The following ARHGEF2 variants were observed in gnomAD, a reference collection of about 807,000 sequenced individuals.
ARHGEF2 encodes rho guanine nucleotide exchange factor 2.
Under a neutral mutation model 121.0 loss-of-function variants are expected in ARHGEF2, and 22 were observed. The ratio of observed to expected loss-of-function variants is 0.18; its 90% CI spans 0.13 to 0.26. The LOEUF (loss-of-function observed/expected upper bound fraction) is 0.26. Among genes scored for constraint, ARHGEF2 ranks in the 10% least tolerant of loss-of-function variants. The pLI is 1.00. For synonymous variants in ARHGEF2, 487 were observed against 530.0 expected, an observed-to-expected ratio of 0.92 and a Z score of 1.11; for missense variants, 907 against 1,336.0, an observed-to-expected ratio of 0.68 and a Z score of 5.01.
In ARHGEF2 at chr1:155,965,543, A is replaced by T. The variant is rs1445626809; in HGVS notation, c.470+88T>A. On this transcript the variant is annotated intron_variant, in intron 5 of 21. Coordinates refer to ENST00000361247, the MANE Select transcript of ARHGEF2 (RefSeq NM_001162383.2). The surrounding 1 kb of genome is among the most constrained non-coding windows in gnomAD (Gnocchi z 6.0). The stretch of plus-strand genomic sequence containing the variant: ...CTTATTTGTCTGTCTACAGTTCTGA[A>T]CTCAGGGATGGAAAGGGACCTCTCA... 6.2e-7 allele frequency: 1 copy of T among 1,607,602 alleles called. No individual in the cohort carries two copies. The highest frequency in any genetic ancestry group is 2.2e-5 in the East Asian group (1 of 44,858).
At position 155,947,967 on chromosome 1, in the gene ARHGEF2, C is replaced by A. The variant is rs1674655737; in HGVS notation, c.2936G>T (p.Gly979Val). Residue 979 changes from glycine (G) to valine (V), a missense_variant, in exon 22 of 22, where the codon GGG becomes GTG. Gly to Val is a moderately radical substitution (Grantham distance 109, BLOSUM62 -3). This residue lies in a region of ARHGEF2 where 432 missense variants were observed against 559.5 expected (regional missense o/e 0.77). Transcript: ENST00000361247. ...DIPEETESRD[G>V]EAVASES Reference sequence around the variant, plus strand: ...TTAGCTCTCGGAGGCTACAGCCTCCCCGTCGCGGCTCTCCGTCTCCTCCGG... The same window carrying A: ...TTAGCTCTCGGAGGCTACAGCCTCCACGTCGCGGCTCTCCGTCTCCTCCGG... 6.4e-7 allele frequency: 1 copy of A among 1,551,082 alleles called. No homozygotes were observed. Among genetic ancestry groups the A allele is most frequent in the Non-Finnish European group, 8.7e-7 (1 of 1,146,766 alleles).
chr1:155,978,759 C>T, upstream of ARHGEF2: 1 of 812,814 alleles, frequency 1.2e-6, no homozygotes, highest in Non-Finnish European at 1.5e-6. This position sits in a 1 kb window ranked among gnomAD's most constrained non-coding sequence, Gnocchi z 4.1. Context: ...CGCCTGGGGG[C>T]GCCCTCTAGC....
Position 155,952,633 on chromosome 1 carries a change from C to T in ARHGEF2, c.1979G>A (p.Arg660His), listed in dbSNP as rs749849556. The change falls in exon 15 of 22, where the codon CGT (arginine) becomes CAT (histidine). Residue 660 changes from arginine (R) to histidine (H), a missense_variant. Coordinates refer to ENST00000361247, the MANE Select transcript of ARHGEF2 (RefSeq NM_001162383.2). ...TTCCCTGGGAGCTCCCTCACCCTCA[C>T]GGATGGCATCCTGCAGCAGCCGCTC... ...RGERLLQDAI[R>H]EVEGLKDLLV... 9.9e-6 allele frequency: 16 copies of T among 1,610,744 alleles called. No homozygotes were observed. Among genetic ancestry groups the T allele is most frequent in the Admixed American group, 1.7e-5 (1 of 59,872 alleles).
Position 155,965,167 on chromosome 1 carries a change from G to A in ARHGEF2, c.581-36C>T. 1 of 1,611,646 alleles carries A rather than the reference G, an allele frequency of 6.2e-7. No individual in the cohort carries two copies. Among genetic ancestry groups the A allele is most frequent in the Non-Finnish European group, 8.5e-7 (1 of 1,178,218 alleles). Reference sequence around the variant, plus strand: ...GCAGGGCAAGCAACTCAGAGGTCTTGAGTTCCCTTCCCTGGGTCCCTGGCC... The same window carrying A: ...GCAGGGCAAGCAACTCAGAGGTCTTAAGTTCCCTTCCCTGGGTCCCTGGCC... On this transcript the variant is annotated intron_variant, in intron 6 of 21. Coordinates refer to ENST00000361247, the MANE Select transcript of ARHGEF2 (RefSeq NM_001162383.2). The surrounding 1 kb of genome is among the most constrained non-coding windows in gnomAD (Gnocchi z 6.0).
rs368021663 is a variant in ARHGEF2 at position 155,966,450 on chromosome 1, G to A, written c.306C>T (p.Asn102=). The A allele has an allele frequency of 1.2e-5, 19 of 1,614,148 alleles. No homozygotes were observed. The African/African-American group carries it at 1.5e-4, about 12-fold the overall frequency. ...GAAGAGAAACGGACTGCAAGGCGGT[G>A]TTGTTCTTCAGCAGGGCCGCTTTCT... ...KQQKAALLKN[N]TALQSVSLRS... Residue 102 remains asparagine, a synonymous_variant, in exon 4 of 22, where the codon AAC becomes AAT. Transcript: ENST00000361247.
intron 7 of ARHGEF2, among the ~76,000 whole-genome samples, chr1:155,964,177 T>TGTATATATATATATATATATATAC (rs1678774194): frequency 1.2e-5 from 1 of 82,856 alleles, no homozygotes; most frequent in African/African-American, 6.6e-5. Flanking sequence ...AATATATATA[T>TGTATATATATATATATATATATAC]ATATATATAT....
Position 155,951,047 on chromosome 1 carries a change from C to A in ARHGEF2, c.2485G>T (p.Ala829Ser). ...RRCRRLGEER[A>S]TEAGSLEARL... ...GCCTCCAGGCTGCCAGCTTCGGTTG[C>A]CCGTTCTTCACCTAGCCGCCGGCAG... The change falls in exon 20 of 22, where the codon GCA becomes TCA. Residue 829 changes from alanine (A) to serine (S), a missense_variant. Around this residue, in one of 2 missense-constraint regions of ARHGEF2, gnomAD observed 432 missense variants for 559.5 expected, o/e 0.77. Coordinates refer to ENST00000361247, the MANE Select transcript of ARHGEF2 (RefSeq NM_001162383.2). This position sits in a 1 kb window ranked among gnomAD's most constrained non-coding sequence, Gnocchi z 5.1. The A allele has an allele frequency of 6.2e-7, 1 of 1,602,058 alleles. No individual in the cohort carries two copies. Among genetic ancestry groups the A allele is most frequent in the South Asian group, 1.1e-5 (1 of 90,206 alleles).
At chr1:155,949,658 C>T (rs894177896) in intron 21 of ARHGEF2, among the ~76,000 whole-genome samples, 4 of 151,448 alleles carry the variant, frequency 2.6e-5, no homozygotes, top group Non-Finnish European at 5.9e-5. Context: ...ACAGGTGGAT[C>T]GCGAGGTCAG....
At chr1:155,969,975 G>A in intron 1 of ARHGEF2, 1 of 985,336 alleles carries the variant, frequency 1.0e-6, no homozygotes, top group Non-Finnish European at 1.2e-6. Flanking sequence ...TAACCTTGAG[G>A]CAAAGGCAGC....
At chr1:155,973,134 C>T (rs567842229) in intron 1 of ARHGEF2, among the ~76,000 whole-genome samples, 3 of 152,164 alleles carry the variant, frequency 2.0e-5, no homozygotes, top group Admixed American at 6.5e-5. Context: ...ACCTGGTATA[C>T]AATAGGCACC....
chr1:155,969,514 G>T (rs1397177651), intron 1 of ARHGEF2: 1 of 1,401,738 alleles, frequency 7.1e-7, no homozygotes, highest in Admixed American at 3.0e-5. Context: ...GCCCGGATGG[G>T]TTCTGGGTCC....
Position 155,969,142 on chromosome 1 carries a change from T to C in ARHGEF2, c.208+14A>G, listed in dbSNP as rs1680002722. ...CACCGAGTCTGGGTGACTCTCAGGG[T>C]CCAAACAACTTACTTGGGCAGATGA... On this transcript the variant is annotated intron_variant, in intron 2 of 21. Transcript: ENST00000361247. 1.2e-6 allele frequency: 2 copies of C among 1,613,816 alleles called. No homozygotes were observed. The highest frequency in any genetic ancestry group is 2.2e-5 in the South Asian group (2 of 91,068).
Position 155,961,933 on chromosome 1 carries a change from G to A in ARHGEF2, c.1220-24C>T, listed in dbSNP as rs760598075. On this transcript the variant is annotated intron_variant, in intron 10 of 21. Transcript: ENST00000361247. The surrounding 1 kb of genome is among the most constrained non-coding windows in gnomAD (Gnocchi z 4.7). ...CCCTGGCACCGGGGGTTGGCATGGGGAACGGCTCAACCAGTTTCACTCACA... is the reference window on the plus strand; with the variant it reads ...CCCTGGCACCGGGGGTTGGCATGGGAAACGGCTCAACCAGTTTCACTCACA... 10 of 1,613,090 alleles carry A rather than the reference G, an allele frequency of 6.2e-6. No homozygotes were observed. The South Asian group carries it at 8.8e-5, about 14-fold the overall frequency.
Position 155,950,790 on chromosome 1 carries a change from G to A in ARHGEF2, c.2703+39C>T. On this transcript the variant is annotated intron_variant, in intron 20 of 21. Coordinates refer to ENST00000361247, the MANE Select transcript of ARHGEF2 (RefSeq NM_001162383.2). This position sits in a 1 kb window ranked among gnomAD's most constrained non-coding sequence, Gnocchi z 5.2. ...TCTTTCGGGCTCCATGGACCCTTATGTCCACCCCAGGTCCATTCACCACTG... is the reference window on the plus strand; with the variant it reads ...TCTTTCGGGCTCCATGGACCCTTATATCCACCCCAGGTCCATTCACCACTG... 6.6e-7 allele frequency: 1 copy of A among 1,504,810 alleles called. No individual in the cohort carries two copies. Among genetic ancestry groups the A allele is most frequent in the Non-Finnish European group, 8.9e-7 (1 of 1,123,452 alleles). The allele number at this position is 1,504,810 out of a possible 1,614,324, so 93.2% of individuals were successfully genotyped here.
At chr1:155,952,905 G>C in intron 14 of ARHGEF2, 77 bp from the exon 15 acceptor site, 1 of 1,407,818 alleles carries the variant, frequency 7.1e-7, no homozygotes, top group Non-Finnish European at 1.0e-6. Context: ...AGCCCTAGGG[G>C]AGAGGGGTAG....
At position 155,966,863 on chromosome 1, in the gene ARHGEF2, C is replaced by T. The variant is rs1414903419; in HGVS notation, c.233G>A (p.Arg78His). 1.9e-6 allele frequency: 3 copies of T among 1,613,502 alleles called. No individual in the cohort carries two copies. The highest frequency in any genetic ancestry group is 2.5e-6 in the Non-Finnish European group (3 of 1,179,804). Reference sequence around the variant, plus strand: ...ACAGTTGGCGAGGGTGTCTTTACAGCGGTTGTGGATAGTCACATTGCAGGC... The same window carrying T: ...ACAGTTGGCGAGGGTGTCTTTACAGTGGTTGTGGATAGTCACATTGCAGGC... ...CPTCNVTIHNRCKDTLANCTK... is the reference protein window; with the variant it reads ...CPTCNVTIHNHCKDTLANCTK... Residue 78 changes from arginine (R) to histidine (H), a missense_variant, in exon 3 of 22, where the codon CGC (arginine) becomes CAC (histidine). Around this residue, in one of 2 missense-constraint regions of ARHGEF2, gnomAD observed 475 missense variants for 776.5 expected, o/e 0.61. Transcript: ENST00000361247.
rs866611633 is a variant in ARHGEF2 at position 155,963,347 on chromosome 1, T to C, written c.725-164A>G. On this transcript the variant is annotated intron_variant, in intron 7 of 21. Coordinates refer to ENST00000361247, the MANE Select transcript of ARHGEF2 (RefSeq NM_001162383.2). ...ATACTTTTCTAATCATTTTTATCTT[T>C]TTTTTTTTTTTTTTTTGAGACAGAG... Among the ~76,000 whole-genome samples, 350 of 143,518 alleles carry C rather than the reference T, an allele frequency of 2.4e-3. 1 individual carries two copies. Among genetic ancestry groups the C allele is most frequent in the African/African-American group, 8.4e-3 (332 of 39,624 alleles). The allele number at this position is 143,518 out of a possible 152,430, so 94.2% of individuals were successfully genotyped here. A position where few individuals can be genotyped will look rare whatever the true frequency, so the allele number is the denominator to read the frequency against.
chr1:155,950,730 AT>A lies in ARHGEF2; in HGVS notation c.2703+98del. 1 of 1,235,582 alleles carries A rather than the reference AT, an allele frequency of 8.1e-7. No homozygotes were observed. The highest frequency in any genetic ancestry group is 1.5e-5 in the South Asian group (1 of 68,194). The allele number at this position is 1,235,582 out of a possible 1,614,324, so 76.5% of individuals were successfully genotyped here. A position where few individuals can be genotyped will look rare whatever the true frequency, so the allele number is the denominator to read the frequency against. On this transcript the variant is annotated intron_variant, in intron 20 of 21. Transcript: ENST00000361247. This position sits in a 1 kb window ranked among gnomAD's most constrained non-coding sequence, Gnocchi z 5.2. Reference sequence around the variant, plus strand: ...CAATATCCTTCAAGTCAGTTGACTGATTGCATTTGGGCTCAAATCCCCAATG... The same window carrying A: ...CAATATCCTTCAAGTCAGTTGACTGATGCATTTGGGCTCAAATCCCCAATG...
At chr1:155,969,490 C>T (rs1450486655) in intron 1 of ARHGEF2, 190 bp from the exon 2 acceptor site, 4 of 1,422,508 alleles carry the variant, frequency 2.8e-6, no homozygotes, top group Non-Finnish European at 2.8e-6. Flanking sequence ...CCAGGCCAGG[C>T]TCTGGGGCAG....
Sources: gnomAD v4.1 joint callset for allele counts (sites outside exome capture counted in the v4.1 genomes callset) on GRCh38, gnomAD v4.1.1 for gene constraint, gnomAD v4.1.1 regional missense constraint, Gnocchi (gnomAD v3.1) non-coding constraint, MANE v1.5 for transcripts, NCBI Gene and HGNC (gene_info 2026-07-23, HGNC 2026-07-21) for gene names.